Variants in PSG11 observed in about 807,000 individuals in gnomAD.
PSG11 encodes pregnancy specific beta-1-glycoprotein 11, also known as pregnancy-specific beta-1-glycoprotein 11.
In PSG11, 42 loss-of-function variants were observed where a neutral mutation model predicts 36.0. The ratio of observed to expected loss-of-function variants is 1.17; its 90% CI spans 0.91 to 1.51. The LOEUF (loss-of-function observed/expected upper bound fraction) is 1.51. Among genes scored for constraint, PSG11 ranks in the 40% most tolerant of loss-of-function variants. The pLI is 0.00. For missense variants in PSG11, 558 were observed against 403.5 expected, an observed-to-expected ratio of 1.38 and a Z score of -3.28; for synonymous variants, 206 against 153.5, an observed-to-expected ratio of 1.34 and a Z score of -2.53.
chr19:43,024,402 T>C (rs1177389792), intron 2 of PSG11: 2 of 531,316 alleles, frequency 3.8e-6, no homozygotes, highest in East Asian at 3.5e-5. Flanking sequence ...GTCAAATTTA[T>C]GAAGAGGGCA....
chr19:43,021,768 G>A (rs531192410), intron 2 of PSG11, among the ~76,000 whole-genome samples: 2 of 151,610 alleles, frequency 1.3e-5, no homozygotes, highest in African/African-American at 2.4e-5. Flanking sequence ...AAGTCTCTAG[G>A]AAGTGATCAG....
intron 2 of PSG11, among the ~76,000 whole-genome samples, chr19:43,019,998 T>G (rs1430657060): frequency 6.6e-6 from 1 of 151,332 alleles, no homozygotes; most frequent in Admixed American, 6.6e-5. Flanking sequence ...TTAGACATTC[T>G]ACCCTCTGAT....
At chr19:43,021,114 T>C (rs1967091475) in intron 2 of PSG11, among the ~76,000 whole-genome samples, 1 of 151,466 alleles carries the variant, frequency 6.6e-6, no homozygotes. Context: ...AGTATTCCTC[T>C]TAAGTATGTG....
At chr19:43,020,736 G>A (rs1434074600) in intron 2 of PSG11, among the ~76,000 whole-genome samples, 1 of 151,242 alleles carries the variant, frequency 6.6e-6, no homozygotes, top group East Asian at 1.9e-4. Context: ...ACTGGTCAGT[G>A]CATCAATTAC....
chr19:43,026,208 T>G, intron 1 of PSG11, 101 bp downstream of exon 1: 1 of 1,543,142 alleles, frequency 6.5e-7, no homozygotes, highest in Admixed American at 1.7e-5. Flanking sequence ...CCCTAAATGC[T>G]GGCTTTTTTA....
At chr19:43,018,401 A>C in intron 3 of PSG11, 1 of 401,544 alleles carries the variant, frequency 2.5e-6, no homozygotes, top group Non-Finnish European at 4.7e-6. Flanking sequence ...CACAGGTGAC[A>C]TTGTCAGAGG....
Position 43,015,146 on chromosome 19 carries a change from T to C in PSG11, c.934A>G (p.Ser312Gly). 1.2e-6 allele frequency: 2 copies of C among 1,612,072 alleles called. No homozygotes were observed. Among genetic ancestry groups the C allele is most frequent in the Non-Finnish European group, 1.7e-6 (2 of 1,178,982 alleles). The change falls in exon 4 of 6, where the codon AGC becomes GGC. Residue 312 changes from serine to glycine, a missense_variant. Transcript: ENST00000320078. Reference protein sequence around the residue: ...SARNSATGEESSTSLTIRVIA... With the variant: ...SARNSATGEEGSTSLTIRVIA... The stretch of plus-strand genomic sequence containing the variant: ...ACTCTGATTGTCAAGGATGTGGAGC[T>C]TTCCTCGCCAGTGGCTGAGTTACGA...
rs1204153643 is a variant in PSG11, at chr19:43,026,225, A to G, written c.64+84T>C. The stretch of plus-strand genomic sequence containing the variant: ...CTAAATGCTGGCTTTTTTATTTTTT[A>G]GAACCCCAGGAGCCTCTCCAGGAGA... On this transcript the variant is annotated intron_variant, in intron 1 of 5. Transcript: ENST00000320078. 5 of 1,577,598 alleles carry G rather than the reference A, an allele frequency of 3.2e-6. 1 individual carries two copies. The highest frequency in any genetic ancestry group is 4.3e-6 in the Non-Finnish European group (5 of 1,156,474).
rs1973965996 is a variant in PSG11 at position 43,007,760 on chromosome 19, T to C, written c.*323A>G. 1 of 242,280 alleles carries C rather than the reference T, an allele frequency of 4.1e-6. No homozygotes were observed. The highest frequency in any genetic ancestry group is 8.3e-6 in the Non-Finnish European group (1 of 120,910). The allele number at this position is 242,280 out of a possible 1,614,324, so 15.0% of individuals were successfully genotyped here. A position where few individuals can be genotyped will look rare whatever the true frequency, so the allele number is the denominator to read the frequency against. On this transcript the variant is annotated 3_prime_UTR_variant, in exon 6 of 6. Coordinates refer to ENST00000320078, the MANE Select transcript of PSG11 (RefSeq NM_002785.3). ...GCAAAAGCAAATGTTTCAATTTTTG[T>C]TTACAAAAGTATACTTTACCAATTG... is the stretch of plus-strand genomic sequence containing the variant.
At chr19:43,022,797 G>A (rs1336474023) in intron 2 of PSG11, among the ~76,000 whole-genome samples, 1 of 150,980 alleles carries the variant, frequency 6.6e-6, no homozygotes, top group Non-Finnish European at 1.5e-5. Flanking sequence ...GATGAAGCCT[G>A]GCAGGAGTGG....
chr19:43,023,953 C>G (rs1456741890), intron 2 of PSG11, among the ~76,000 whole-genome samples: 1 of 151,516 alleles, frequency 6.6e-6, no homozygotes, highest in Admixed American at 6.6e-5. Flanking sequence ...TACGTCAGAT[C>G]CCTGTGGACA....
intron 2 of PSG11, among the ~76,000 whole-genome samples, chr19:43,023,796 G>C (rs558206583): frequency 2.0e-5 from 3 of 151,252 alleles, no homozygotes; most frequent in African/African-American, 7.3e-5. Flanking sequence ...AATCAGATAA[G>C]TTAAATGGCA....
At chr19:43,010,240 A>G in intron 4 of PSG11, 199 bp from the exon 5 acceptor site, 5 of 1,453,518 alleles carry the variant, frequency 3.4e-6, no homozygotes, top group Non-Finnish European at 3.6e-6. Flanking sequence ...GTTGGTGATC[A>G]GTCCTCTGTC....
chr19:43,018,891 A>G lies in PSG11; in HGVS notation c.588T>C (p.Ser196=), dbSNP rs376496772. 2.3e-5 allele frequency: 37 copies of G among 1,611,992 alleles called. 1 individual carries two copies. The African/African-American group carries it at 3.1e-4, about 13-fold the overall frequency. Residue 196 remains serine (S), a synonymous_variant, in exon 3 of 6, where the codon TCT becomes TCC. Transcript: ENST00000320078. ...SLPMTHRMQL[S]ETNRTLFLFG... is the part of the protein sequence containing the mutation. The stretch of plus-strand genomic sequence containing the variant: ...ATAGAAAGAGGGTCCTGTTGGTTTC[A>G]GACAGCTGCATCCTATGAGTCATAG...
At chr19:43,025,916 CTTTTTTTTTTTTTTTTTCTCTTTTTTTT>C (rs1188314352) in intron 1 of PSG11, among the ~76,000 whole-genome samples, 3 of 62,000 alleles carry the variant, frequency 4.8e-5, no homozygotes, top group Admixed American at 2.0e-4. Context: ...GCCTTCTTTC[CTTTTTTTTTTTTTTTTTCTCTTTTTTTT>C]TTTTTTTTTT....
intron 4 of PSG11, chr19:43,010,523 A>C (rs1599667358): frequency 2.9e-6 from 2 of 695,070 alleles, no homozygotes; most frequent in Non-Finnish European, 4.7e-6. Context: ...AGGGTGTGAA[A>C]GCAAGCCTAG....
At position 43,015,489 on chromosome 19, in the gene PSG11, C is replaced by A. The variant is rs1966939737; in HGVS notation, c.710-119G>T. 3 of 1,385,598 alleles carry A rather than the reference C, an allele frequency of 2.2e-6. 1 individual carries two copies. Among genetic ancestry groups the A allele is most frequent in the African/African-American group, 1.5e-5 (1 of 68,212 alleles). The allele number at this position is 1,385,598 out of a possible 1,614,324, so 85.8% of individuals were successfully genotyped here. A position where few individuals can be genotyped will look rare whatever the true frequency, so the allele number is the denominator to read the frequency against. On this transcript the variant is annotated intron_variant, in intron 3 of 5. Transcript: ENST00000320078. Reference sequence around the variant, plus strand: ...GACACACCCTCAAGTCCCAGCCAAACCCCCTCTATGTTCACTGAGCTGAAG... The same window carrying A: ...GACACACCCTCAAGTCCCAGCCAAAACCCCTCTATGTTCACTGAGCTGAAG...
chr19:43,018,540 TC>T, intron 3 of PSG11: 1 of 1,021,984 alleles, frequency 9.8e-7, no homozygotes, highest in South Asian at 1.6e-5. Flanking sequence ...GTTTCTCCCA[TC>T]ACAATCTGTG....
At chr19:43,018,597 T>C in intron 3 of PSG11, 173 bp downstream of exon 3, 2 of 1,456,524 alleles carry the variant, frequency 1.4e-6, no homozygotes, top group East Asian at 2.3e-5. Flanking sequence ...TCTCCCACTG[T>C]GGATCAAGCC....
Sources: allele counts gnomAD v4.1 joint callset (sites outside exome capture counted in the v4.1 genomes callset), GRCh38; gene constraint gnomAD v4.1.1; transcripts MANE v1.5; gene names NCBI Gene and HGNC (gene_info 2026-07-23, HGNC 2026-07-21).